Variants in SDK1 observed in about 807,000 individuals in gnomAD.
SDK1 encodes the protein protein sidekick-1.
SDK1 carries 157 observed loss-of-function variants against 245.5 expected under a neutral mutation model. That is an observed-to-expected ratio of 0.64 (90% CI 0.56 to 0.73). The LOEUF is 0.73. Ranked by LOEUF, SDK1 falls within the 30% of genes least tolerant of loss-of-function variation. The pLI, the probability that SDK1 is intolerant of heterozygous loss-of-function variation, is 0.00. For synonymous variants in SDK1, 1,647 were observed against 1,278.5 expected (o/e 1.29, Z -6.15); for missense variants, 3,583 against 3,002.3 (o/e 1.19, Z -4.52).
At chr7:4,077,385 C>A (rs916342685) in intron 21 of SDK1, among the ~76,000 whole-genome samples, 196 bp downstream of exon 21, 7 of 152,252 alleles carry the variant, frequency 4.6e-5, no homozygotes, top group East Asian at 1.9e-4. Flanking sequence ...CCACCACGGC[C>A]TCACGTCCCT....
chr7:3,741,120 T>C (rs1779463354), intron 4 of SDK1, among the ~76,000 whole-genome samples: 2 of 152,212 alleles, frequency 1.3e-5, no homozygotes, highest in Admixed American at 1.3e-4. Context: ...AATTCCATCC[T>C]GCCACCTCCT....
chr7:3,537,508 T>A (rs902487130), intron 1 of SDK1, among the ~76,000 whole-genome samples: 2 of 152,202 alleles, frequency 1.3e-5, no homozygotes, highest in Admixed American at 1.3e-4. Flanking sequence ...AGGAATTTGT[T>A]CCTTATTCCT....
At chr7:3,829,811 C>T (rs184410578) in intron 5 of SDK1, among the ~76,000 whole-genome samples, 1 of 152,190 alleles carries the variant, frequency 6.6e-6, no homozygotes, top group Non-Finnish European at 1.5e-5. Flanking sequence ...GATCAACATT[C>T]ATTCCAGAGA....
intron 1 of SDK1, among the ~76,000 whole-genome samples, chr7:3,428,245 G>T (rs1779731559): frequency 6.6e-6 from 1 of 152,126 alleles, no homozygotes; most frequent in Non-Finnish European, 1.5e-5. Flanking sequence ...ATAGCTAGTG[G>T]TGAAGTTTCT....
intron 16 of SDK1, among the ~76,000 whole-genome samples, chr7:4,015,317 TGAG>T (rs1180623791): frequency 1.3e-5 from 2 of 152,316 alleles, no homozygotes; most frequent in Admixed American, 1.3e-4. Context: ...TGGGTCCACA[TGAG>T]GAATCCTTCT....
At chr7:3,836,445 C>G (rs1780030528) in intron 5 of SDK1, among the ~76,000 whole-genome samples, 1 of 152,174 alleles carries the variant, frequency 6.6e-6, no homozygotes, top group Non-Finnish European at 1.5e-5. Context: ...GATGTATTTA[C>G]TGAGTGTTCA....
intron 23 of SDK1, among the ~76,000 whole-genome samples, 169 bp from the exon 24 acceptor site, chr7:4,113,120 T>G (rs952586196): frequency 3.9e-5 from 6 of 152,200 alleles, no homozygotes; most frequent in African/African-American, 9.6e-5. Flanking sequence ...CAATTTGCAC[T>G]TTTAATGAAA....
chr7:3,824,054 T>C (rs939633447), intron 5 of SDK1, among the ~76,000 whole-genome samples: 3 of 152,064 alleles, frequency 2.0e-5, no homozygotes, highest in Non-Finnish European at 4.4e-5. Context: ...ATTGTTTTAA[T>C]TGTGCTTCTT....
chr7:4,067,419 G>C (rs1361509176), intron 19 of SDK1, among the ~76,000 whole-genome samples: 1 of 152,172 alleles, frequency 6.6e-6, no homozygotes, highest in East Asian at 1.9e-4. Context: ...TGGGCCCAGG[G>C]TCCTTTTCTG....
intron 17 of SDK1, among the ~76,000 whole-genome samples, chr7:4,042,564 C>G (rs1236783496): frequency 9.5e-6 from 1 of 105,136 alleles, no homozygotes; most frequent in Non-Finnish European, 1.9e-5. Context: ...TAACACCTGT[C>G]ACGTTACCAG....
rs564824637 is a variant in SDK1 at position 4,047,697 on chromosome 7, C to T, written c.2603-1651C>T. 9.8e-5 allele frequency among the ~76,000 whole-genome samples: 15 copies of T among 152,342 alleles called. No homozygotes were observed. The East Asian group carries it at 1.2e-3, about 12-fold the overall frequency. On this transcript the variant is annotated intron_variant, in intron 17 of 44. Coordinates refer to ENST00000404826, the MANE Select transcript of SDK1 (RefSeq NM_152744.4). ...GAATTTCCATTGTCTCCTCCTCCCG[C>T]GCTCTGTGACGGGTGAGCAGGACCC... is the stretch of plus-strand genomic sequence containing the variant.
intron 1 of SDK1, among the ~76,000 whole-genome samples, chr7:3,367,945 C>T (rs773329002): frequency 3.3e-5 from 5 of 152,148 alleles, no homozygotes; most frequent in African/African-American, 4.8e-5. Context: ...CCACTTATTG[C>T]ATGTTGATGG....
chr7:4,054,343 A>G (rs938010871), intron 19 of SDK1, among the ~76,000 whole-genome samples: 1 of 152,192 alleles, frequency 6.6e-6, no homozygotes, highest in Non-Finnish European at 1.5e-5. Flanking sequence ...CCAAGCTGAC[A>G]TTTGCGAAAC....
chr7:3,356,527 C>T (rs181508392), intron 1 of SDK1, among the ~76,000 whole-genome samples: 112 of 152,140 alleles, frequency 7.4e-4, no homozygotes, highest in African/African-American at 2.6e-3. Context: ...TTTTGCTTAC[C>T]ATTGGATTTT....
chr7:3,649,836 C>G (rs1012562127), intron 4 of SDK1, among the ~76,000 whole-genome samples: 2 of 152,006 alleles, frequency 1.3e-5, no homozygotes, highest in Admixed American at 1.3e-4. Context: ...AAGGAGCCAG[C>G]CCTGTAGAGC....
Position 3,850,634 on chromosome 7 carries a change from T to G in SDK1, c.847+29051T>G, listed in dbSNP as rs577904418. On this transcript the variant is annotated intron_variant, in intron 5 of 44. Coordinates refer to ENST00000404826, the MANE Select transcript of SDK1 (RefSeq NM_152744.4). The stretch of plus-strand genomic sequence containing the variant: ...AATGTCCATCAGTGATAGACTGCAT[T>G]AAGAAAATGTGGCACATATACACCA... Among the ~76,000 whole-genome samples, 38 of 152,246 alleles carry G rather than the reference T, an allele frequency of 2.5e-4. No homozygotes were observed. The South Asian group carries it at 7.9e-3, about 32-fold the overall frequency.
At chr7:4,138,672 G>T (rs889914408) in intron 28 of SDK1, among the ~76,000 whole-genome samples, 4 of 151,748 alleles carry the variant, frequency 2.6e-5, no homozygotes. Context: ...ATTTGAACCT[G>T]GGAGGCAGAG....
chr7:4,171,231 C>T (rs1781818265), intron 32 of SDK1, among the ~76,000 whole-genome samples: 1 of 152,210 alleles, frequency 6.6e-6, no homozygotes, highest in Admixed American at 6.5e-5. Flanking sequence ...TCGTCTGCCG[C>T]CGCCTCGGGT....
intron 4 of SDK1, among the ~76,000 whole-genome samples, chr7:3,753,356 A>G (rs1779829084): frequency 2.0e-5 from 3 of 152,216 alleles, no homozygotes; most frequent in African/African-American, 7.2e-5. Flanking sequence ...CACCATCAGT[A>G]TTAGAGATGC....
Sources: allele counts gnomAD v4.1 joint callset (sites outside exome capture counted in the v4.1 genomes callset), GRCh38; gene constraint gnomAD v4.1.1; transcripts MANE v1.5; gene names NCBI Gene and HGNC (gene_info 2026-07-23, HGNC 2026-07-21).